The following BRD2 variants were observed in gnomAD, a reference collection of about 807,000 sequenced individuals.
BRD2 encodes the protein bromodomain-containing protein 2.
A neutral mutation model predicts 79.1 loss-of-function variants in BRD2; 15 were observed. The observed-to-expected ratio is 0.19, with a 90% CI of 0.13 to 0.29. The LOEUF (loss-of-function observed/expected upper bound fraction) is 0.29. BRD2 is among the 10% of genes least tolerant of loss of function. The pLI is 1.00. For missense variants in BRD2, 1,053 were observed against 991.3 expected (o/e 1.06, Z -0.84); for synonymous variants, 488 against 358.6 (o/e 1.36, Z -4.08).
At chr6:32,969,585 T>G (rs1380399255) in intron 1 of BRD2, among the ~76,000 whole-genome samples, 1 of 152,208 alleles carries the variant, frequency 6.6e-6, no homozygotes, top group Non-Finnish European at 1.5e-5. Flanking sequence ...CACCGCAGGC[T>G]GGAGGTTACG....
intron 8 of BRD2, 87 bp from the exon 9 acceptor site, chr6:32,977,670 A>G: frequency 7.5e-6 from 12 of 1,602,960 alleles, no homozygotes; most frequent in Non-Finnish European, 1.0e-5. Flanking sequence ...TGTTCTGTAC[A>G]GTTGTAAATT....
rs931422190 is a variant in BRD2, at chr6:32,968,624, C to G, written c.-1737C>G. On this transcript the variant is annotated 5_prime_UTR_variant, in exon 1 of 13. Coordinates refer to ENST00000374825, the MANE Select transcript of BRD2 (RefSeq NM_005104.4). Reference sequence around the variant, plus strand: ...CCTGGTCTGCGGCAGCCATGCTGAACTCGTATGGAGAGGCGAGTGGGGGGG... The same window carrying G: ...CCTGGTCTGCGGCAGCCATGCTGAAGTCGTATGGAGAGGCGAGTGGGGGGG... The G allele has an allele frequency of 6.5e-6, 1 of 152,914 alleles. No individual in the cohort carries two copies. The highest frequency in any genetic ancestry group is 2.4e-5 in the African/African-American group (1 of 41,460). 9.5% of individuals were successfully genotyped at this position (152,914 alleles called of 1,614,324 possible).
In BRD2 at chr6:32,977,513, C is replaced by G; in HGVS notation, c.1272C>G (p.Asn424Lys). 6.2e-7 allele frequency: 1 copy of G among 1,614,076 alleles called. No homozygotes were observed. Among genetic ancestry groups the G allele is most frequent in the Non-Finnish European group, 8.5e-7 (1 of 1,180,040 alleles). ...FAADVRLMFS[N>K]CYKYNPPDHD... ...CTGATGTACGGCTTATGTTCTCCAA[C>G]TGCTATAAGTACAATCCCCCAGATC... The change falls in exon 8 of 13, where the codon AAC becomes AAG. Residue 424 changes from asparagine to lysine, a missense_variant. This residue lies in a region of BRD2 where 454 missense variants were observed against 430.5 expected (regional missense o/e 1.05). Transcript: ENST00000374825.
chr6:32,977,266 ATAT>A, intron 7 of BRD2, 173 bp from the exon 8 acceptor site: 1 of 1,554,434 alleles, frequency 6.4e-7, no homozygotes, highest in Non-Finnish European at 8.6e-7. Context: ...CTAGACATAA[ATAT>A]TTCTTCAACC....
rs187503675 is a variant in BRD2, at chr6:32,977,150, A to G, written c.1200+214A>G. ...GGGGTTTCTTTGTCTTGAGAAAAAT[A>G]CTGTCTATAATTAAGTACTAATGTG... On this transcript the variant is annotated intron_variant, in intron 7 of 12. Transcript: ENST00000374825. The G allele has an allele frequency of 4.7e-5, 61 of 1,300,838 alleles. 1 individual carries two copies. In the Middle Eastern group the frequency reaches 7.4e-4, roughly 16 times the overall value. The allele number at this position is 1,300,838 out of a possible 1,614,324, so 80.6% of individuals were successfully genotyped here.
chr6:32,974,786 C>T (rs201192452), intron 3 of BRD2, 21 bp downstream of exon 3: 270 of 1,607,690 alleles, frequency 1.7e-4, no homozygotes, highest in Non-Finnish European at 2.2e-4. Context: ...ACATTGGAGC[C>T]GGGGAGGTGT....
At chr6:32,973,108 C>T in intron 2 of BRD2, 181 bp downstream of exon 2, 7 of 1,558,260 alleles carry the variant, frequency 4.5e-6, no homozygotes, top group Non-Finnish European at 5.2e-6. Flanking sequence ...GGCTCGGCTA[C>T]TGCTCGTGGA....
rs1778196463 is a variant in BRD2 at position 32,972,817 on chromosome 6, T to G, written c.-82T>G. On this transcript the variant is annotated 5_prime_UTR_variant, in exon 2 of 13. Transcript: ENST00000374825. The stretch of plus-strand genomic sequence containing the variant: ...ACGGCCTCCCCCCAACTTAGCGGGT[T>G]ATGCTGGACCGGGCGGTGAGGGGAA... 5 of 1,605,434 alleles carry G rather than the reference T, an allele frequency of 3.1e-6. No individual in the cohort carries two copies. The highest frequency in any genetic ancestry group is 4.3e-6 in the Non-Finnish European group (5 of 1,174,960).
chr6:32,974,953 C>G, intron 3 of BRD2, 188 bp downstream of exon 3: 3 of 1,432,406 alleles, frequency 2.1e-6, no homozygotes, highest in East Asian at 2.5e-5. Flanking sequence ...CTGTAACTAT[C>G]TTGGCATCTT....
intron 10 of BRD2, 145 bp from the exon 11 acceptor site, chr6:32,979,682 CA>C: frequency 1.1e-6 from 1 of 891,504 alleles, no homozygotes; most frequent in Non-Finnish European, 1.7e-6. Flanking sequence ...TACAGTGTCC[CA>C]GTAGCCCACC....
At chr6:32,969,231 TGGG>T in intron 1 of BRD2, 175 bp downstream of exon 1, 2 of 295,410 alleles carry the variant, frequency 6.8e-6, no homozygotes, top group Non-Finnish European at 1.3e-5. Flanking sequence ...GAGAGGGCCA[TGGG>T]GGGGGAGGGG....
At position 32,972,520 on chromosome 6, in the gene BRD2, G is replaced by C; in HGVS notation, c.-379G>C. The C allele has an allele frequency of 2.9e-6, 1 of 348,456 alleles. No individual in the cohort carries two copies. Among genetic ancestry groups the C allele is most frequent in the Non-Finnish European group, 5.3e-6 (1 of 188,164 alleles). 21.6% of individuals were successfully genotyped at this position (348,456 alleles called of 1,614,324 possible). The stretch of plus-strand genomic sequence containing the variant: ...TCCGCCTCCATCCGAGATCGAAACG[G>C]GACCTCGTCGGCCCCGTAGGGGCCC... On this transcript the variant is annotated 5_prime_UTR_variant, in exon 2 of 13. Coordinates refer to ENST00000374825, the MANE Select transcript of BRD2 (RefSeq NM_005104.4).
chr6:32,980,483 G>T lies in BRD2; in HGVS notation c.2269+19G>T, dbSNP rs138021588. On this transcript the variant is annotated intron_variant, in intron 12 of 12. Transcript: ENST00000374825. ...AAGAAAGGTGAGTATATACTTTCATGCCACTACAGATTGACTCCATCCTGC... is the reference window on the plus strand; with the variant it reads ...AAGAAAGGTGAGTATATACTTTCATTCCACTACAGATTGACTCCATCCTGC... 33 of 1,612,808 alleles carry T rather than the reference G, an allele frequency of 2.0e-5. No individual in the cohort carries two copies. Among genetic ancestry groups the T allele is most frequent in the Non-Finnish European group, 2.6e-5 (31 of 1,179,932 alleles).
At chr6:32,975,348 T>G (rs1270196620) in intron 3 of BRD2, 36 bp from the exon 4 acceptor site, 1 of 1,553,676 alleles carries the variant, frequency 6.4e-7, no homozygotes, top group Admixed American at 1.8e-5. Context: ...AAGCATTTAT[T>G]TTTCTGTGGT....
chr6:32,975,532 CTG>C lies in BRD2; in HGVS notation c.471+17_471+18del, dbSNP rs759603742. 6.5e-5 allele frequency: 105 copies of C among 1,611,156 alleles called. No individual in the cohort carries two copies. In the African/African-American group the frequency reaches 1.3e-3, roughly 21 times the overall value. ...TACATTTACAACAAGGTGAGTTTTT[CTG>C]TGTGTTCATTTAGTAGGTGGGGAGA... On this transcript the variant is annotated intron_variant, in intron 4 of 12. Coordinates refer to ENST00000374825, the MANE Select transcript of BRD2 (RefSeq NM_005104.4).
Position 32,977,038 on chromosome 6 carries a change from T to C in BRD2, c.1200+102T>C, listed in dbSNP as rs931163122. 3 of 1,432,750 alleles carry C rather than the reference T, an allele frequency of 2.1e-6. No homozygotes were observed. In the South Asian group the frequency reaches 4.2e-5, roughly 20 times the overall value. The allele number at this position is 1,432,750 out of a possible 1,614,324, so 88.8% of individuals were successfully genotyped here. A position where few individuals can be genotyped will look rare whatever the true frequency, so the allele number is the denominator to read the frequency against. On this transcript the variant is annotated intron_variant, in intron 7 of 12. Transcript: ENST00000374825. ...TGGGCACACAGCAGTCTTTGGTTCTTGGCATTTTACTTTTATAAAATAATA... is the reference window on the plus strand; with the variant it reads ...TGGGCACACAGCAGTCTTTGGTTCTCGGCATTTTACTTTTATAAAATAATA...
intron 4 of BRD2, 81 bp from the exon 5 acceptor site, chr6:32,975,950 A>G: frequency 6.7e-7 from 1 of 1,483,318 alleles, no homozygotes; most frequent in Non-Finnish European, 9.1e-7. Flanking sequence ...CTAGGGCCTG[A>G]ATGCCTCTGA....
intron 3 of BRD2, 22 bp from the exon 4 acceptor site, chr6:32,975,362 G>T (rs747406430): frequency 1.9e-6 from 3 of 1,586,634 alleles, no homozygotes; most frequent in South Asian, 2.2e-5. Context: ...CTGTGGTTCT[G>T]ACCTAACATT....
rs998861297 is a variant in BRD2 at position 32,981,492 on chromosome 6, CTT to C, written c.*777_*778del. ...TGTGTTTTTAATAAAGTAAATATGA[CTT>C]TTGTAAATTGAGTCCTTAGAAGTAA... On this transcript the variant is annotated 3_prime_UTR_variant, in exon 13 of 13. Transcript: ENST00000374825. 2.6e-4 allele frequency: 39 copies of C among 152,208 alleles called. No individual in the cohort carries two copies. The highest frequency in any genetic ancestry group is 8.9e-4 in the African/African-American group (37 of 41,534). 9.4% of individuals were successfully genotyped at this position (152,208 alleles called of 1,614,324 possible).
Sources: allele counts gnomAD v4.1 joint callset (sites outside exome capture counted in the v4.1 genomes callset), GRCh38; gene constraint gnomAD v4.1.1; regional missense constraint gnomAD v4.1.1; transcripts MANE v1.5; gene names NCBI Gene and HGNC (gene_info 2026-07-23, HGNC 2026-07-21).